The following ARSG variants were observed in gnomAD, a reference collection of about 807,000 sequenced individuals.
ARSG encodes arylsulfatase G.
ARSG carries 37 observed loss-of-function variants against 50.5 expected under a neutral mutation model. The ratio of observed to expected loss-of-function variants is 0.73; its 90% confidence interval spans 0.56 to 0.96. The LOEUF is 0.96. Among genes scored for constraint, ARSG ranks in the 50% least tolerant of loss-of-function variants. The probability of loss-of-function intolerance (pLI) is 0.00; values close to 1 mark genes in which losing one functional copy is unlikely to be tolerated. For synonymous variants in ARSG, 225 were observed against 254.6 expected, an observed-to-expected ratio of 0.88 and a Z score of 1.11; for missense variants, 629 against 675.3, an observed-to-expected ratio of 0.93 and a Z score of 0.76.
At chr17:68,411,478 G>A (rs2081991853) in intron 11 of ARSG, among the ~76,000 whole-genome samples, 1 of 152,094 alleles carries the variant, frequency 6.6e-6, no homozygotes, top group Admixed American at 6.5e-5. Flanking sequence ...ATTGCACTGT[G>A]GTCTGAGAGA....
intron 2 of ARSG, among the ~76,000 whole-genome samples, chr17:68,331,700 G>A (rs2077780012): frequency 6.6e-6 from 1 of 152,154 alleles, no homozygotes; most frequent in African/African-American, 2.4e-5. Flanking sequence ...TATTTCACGT[G>A]CGTCCTTTTC....
intron 9 of ARSG, among the ~76,000 whole-genome samples, chr17:68,390,480 C>G (rs2080940829): frequency 6.6e-6 from 1 of 152,200 alleles, no homozygotes; most frequent in African/African-American, 2.4e-5. Context: ...AGAGCAATCT[C>G]AGCCTTCTCC....
chr17:68,267,930 G>T (rs1251805769), intron 1 of ARSG: 1 of 152,140 alleles, frequency 6.6e-6, no homozygotes, highest in Non-Finnish European at 1.5e-5. Flanking sequence ...TAATTAGATG[G>T]TTTTTTCTTT....
Position 68,385,183 on chromosome 17 carries a change from A to G in ARSG, c.1091+11A>G, listed in dbSNP as rs1344739250. ...CACTGCCTTGTTAAGGTATGAGACC[A>G]AAACTACCTTGAGATGTTGGGGCCC... On this transcript the variant is annotated intron_variant, in intron 9 of 11. Transcript: ENST00000621439. 1 of 1,609,802 alleles carries G rather than the reference A, an allele frequency of 6.2e-7. No homozygotes were observed. The highest frequency in any genetic ancestry group is 1.1e-5 in the South Asian group (1 of 90,992).
intron 1 of ARSG, among the ~76,000 whole-genome samples, chr17:68,285,995 G>A (rs574549248): frequency 3.0e-4 from 45 of 152,156 alleles, no homozygotes; most frequent in African/African-American, 9.9e-4. Context: ...TCCTGACCTC[G>A]TGATCCACCC....
rs563496138 is a variant in ARSG at position 68,280,252 on chromosome 17, A to T, written c.-552+20826A>T. Among the ~76,000 whole-genome samples, 16 of 152,216 alleles carry T rather than the reference A, an allele frequency of 1.1e-4. No individual in the cohort carries two copies. The East Asian group carries it at 2.9e-3, about 28-fold the overall frequency. On this transcript the variant is annotated intron_variant, in intron 1 of 11. Transcript: ENST00000448504. Reference sequence around the variant, plus strand: ...ATCTACAGAGTGGATTCCTATCAAAATACCAATGACATTCTTCACAGAAAT... The same window carrying T: ...ATCTACAGAGTGGATTCCTATCAAATTACCAATGACATTCTTCACAGAAAT...
At chr17:68,442,203 C>A in the ARSG span, among the ~76,000 whole-genome samples, 8 of 152,140 alleles carry the variant, frequency 5.3e-5, no homozygotes, top group Non-Finnish European at 1.5e-5. Context: ...CTGACTCATG[C>A]CTATAATTCC....
At chr17:68,310,624 C>T (rs1228805905) in intron 2 of ARSG, among the ~76,000 whole-genome samples, 2 of 152,144 alleles carry the variant, frequency 1.3e-5, no homozygotes, top group African/African-American at 2.4e-5. Flanking sequence ...CTGCACTGGG[C>T]GAAACTCCTC....
downstream of ARSG, chr17:68,425,816 A>C (rs1233019052): frequency 1.5e-5 from 6 of 402,056 alleles, no homozygotes; most frequent in East Asian, 2.5e-4. Flanking sequence ...CTCTGGCTGG[A>C]GGGAGGCCAC....
At chr17:68,315,655 T>TG (rs2077042375) in intron 2 of ARSG, among the ~76,000 whole-genome samples, 1 of 152,110 alleles carries the variant, frequency 6.6e-6, no homozygotes, top group Non-Finnish European at 1.5e-5. Flanking sequence ...TATTTTAAGA[T>TG]GAAGTCTTGC....
In ARSG at chr17:68,378,324, G is replaced by A. The variant is rs923121441; in HGVS notation, c.983-6740G>A. ...TTTCTCCCTGAAGCCAGGCTGCTGC[G>A]TCAGGCCACGTGCTGTCTTCCCCTG... On this transcript the variant is annotated intron_variant, in intron 8 of 11. Transcript: ENST00000621439. This position sits in a 1 kb window ranked among gnomAD's most constrained non-coding sequence, Gnocchi z 4.4. 9.9e-5 allele frequency among the ~76,000 whole-genome samples: 15 copies of A among 152,230 alleles called. No homozygotes were observed. The highest frequency in any genetic ancestry group is 1.6e-4 in the Non-Finnish European group (11 of 68,036).
chr17:68,450,954 C>T, the ARSG span: 5 of 1,566,600 alleles, frequency 3.2e-6, no homozygotes, highest in South Asian at 6.1e-5. Context: ...AGAAGGATTC[C>T]AGCCTCCATG....
At chr17:68,300,987 G>A (rs529463534) in intron 1 of ARSG, among the ~76,000 whole-genome samples, 54 of 151,960 alleles carry the variant, frequency 3.6e-4, no homozygotes, top group African/African-American at 1.3e-3. Context: ...GCGTGGTGGC[G>A]GGCGCCTGTA....
intron 8 of ARSG, among the ~76,000 whole-genome samples, chr17:68,382,240 C>T (rs1050039814): frequency 8.5e-5 from 13 of 152,136 alleles, no homozygotes; most frequent in African/African-American, 2.9e-4. Context: ...CCACTGCACC[C>T]GGCCGGCTCT....
At chr17:68,329,877 A>T (rs1393625748) in intron 2 of ARSG, among the ~76,000 whole-genome samples, 3 of 152,222 alleles carry the variant, frequency 2.0e-5, no homozygotes, top group Admixed American at 6.5e-5. Flanking sequence ...GCCGCATTCA[A>T]GCTATCCTGG....
intron 2 of ARSG, among the ~76,000 whole-genome samples, chr17:68,330,779 G>A (rs549229398): frequency 6.6e-6 from 1 of 152,160 alleles, no homozygotes; most frequent in Admixed American, 6.5e-5. Flanking sequence ...TGGGCTGAGA[G>A]ATTTAAGACA....
intron 2 of ARSG, among the ~76,000 whole-genome samples, chr17:68,332,424 G>T (rs898485270): frequency 2.0e-5 from 3 of 152,050 alleles, no homozygotes; most frequent in African/African-American, 7.3e-5. Flanking sequence ...TCATCACAGG[G>T]TCCTGAGGCG....
chr17:68,269,282 G>C (rs1482078778), intron 1 of ARSG: 2 of 1,364,686 alleles, frequency 1.5e-6, no homozygotes, highest in Admixed American at 2.3e-5. Context: ...CAGCAGCCAG[G>C]GCCATGCCAG....
intron 10 of ARSG, among the ~76,000 whole-genome samples, chr17:68,398,572 T>G (rs1421377369): frequency 6.6e-6 from 1 of 152,250 alleles, no homozygotes; most frequent in African/African-American, 2.4e-5. Context: ...AGAAACACTT[T>G]CAGTTCTAGA....
Sources: gnomAD v4.1 joint callset for allele counts (sites outside exome capture counted in the v4.1 genomes callset) on GRCh38, gnomAD v4.1.1 for gene constraint, Gnocchi (gnomAD v3.1) non-coding constraint, MANE v1.5 for transcripts, NCBI Gene and HGNC (gene_info 2026-07-23, HGNC 2026-07-21) for gene names.